WDR48: variants seen among roughly 807,000 people sequenced by gnomAD.
The protein encoded by WDR48 is WD repeat domain 48.
WDR48 carries 22 observed loss-of-function variants against 94.0 expected under a neutral mutation model. That is an observed-to-expected ratio of 0.23 (90% CI 0.17 to 0.33). The LOEUF (loss-of-function observed/expected upper bound fraction) is 0.33, where lower values mean the gene tolerates loss of function less well. Among genes scored for constraint, WDR48 ranks in the 10% least tolerant of loss-of-function variants. WDR48 has a pLI of 1.00. For missense variants in WDR48, 541 were observed against 813.8 expected, an observed-to-expected ratio of 0.66 and a Z score of 4.08; for synonymous variants, 278 against 280.5, an observed-to-expected ratio of 0.99 and a Z score of 0.09.
chr3:39,052,267 C>G (rs1446872159), intron 1 of WDR48, 194 bp downstream of exon 1: 1 of 630,508 alleles, frequency 1.6e-6, no homozygotes, highest in Non-Finnish European at 2.7e-6. Flanking sequence ...TTGCTTGGCC[C>G]TTGGGGCCCA....
intron 14 of WDR48, 63 bp downstream of exon 14, chr3:39,085,673 C>A: frequency 3.7e-6 from 5 of 1,358,288 alleles, no homozygotes; most frequent in Non-Finnish European, 4.1e-6. Context: ...AAGGTACTTA[C>A]TAAAAGGTAC....
At chr3:39,052,272 G>A in intron 1 of WDR48, 199 bp downstream of exon 1, 3 of 607,364 alleles carry the variant, frequency 4.9e-6, no homozygotes, top group Admixed American at 6.9e-5. Flanking sequence ...TGGCCCTTGG[G>A]GCCCAGGCCC....
At chr3:39,068,900 T>A in intron 6 of WDR48, 41 bp downstream of exon 6, 1 of 1,368,972 alleles carries the variant, frequency 7.3e-7, no homozygotes, top group Non-Finnish European at 1.0e-6. Context: ...AAAAAAATTA[T>A]TTTTCACATA....
At chr3:39,091,051 G>A (rs956778733) in intron 16 of WDR48, 4 of 152,288 alleles carry the variant, frequency 2.6e-5, no homozygotes, top group Non-Finnish European at 4.4e-5. Context: ...AGATGACCAC[G>A]TAATTTTATC....
chr3:39,088,693 T>TA (rs2034936336), intron 15 of WDR48, among the ~76,000 whole-genome samples: 1 of 152,052 alleles, frequency 6.6e-6, no homozygotes, highest in Non-Finnish European at 1.5e-5. Flanking sequence ...GCCAGACAGT[T>TA]ATGTGTGGGG....
In WDR48 at chr3:39,084,275, T is replaced by C; in HGVS notation, c.1281+13T>C. ...CTTAAAAACAGGGGTAAGTTAGCAA[T>C]TGATACTTGTATGATTTGGGATAAT... is the stretch of plus-strand genomic sequence containing the variant. On this transcript the variant is annotated intron_variant, in intron 12 of 18. Coordinates refer to ENST00000302313, the MANE Select transcript of WDR48 (RefSeq NM_020839.4). 2.6e-6 allele frequency: 4 copies of C among 1,538,848 alleles called. No homozygotes were observed. Among genetic ancestry groups the C allele is most frequent in the Non-Finnish European group, 3.6e-6 (4 of 1,115,852 alleles).
At chr3:39,078,269 A>T (rs773732425) in intron 10 of WDR48, 30 bp downstream of exon 10, 1 of 1,488,324 alleles carries the variant, frequency 6.7e-7, no homozygotes, top group Non-Finnish European at 9.3e-7. Context: ...TGTACCCCTT[A>T]TTGAAGTTAG....
chr3:39,063,279 A>C, intron 2 of WDR48, 89 bp downstream of exon 2: 1 of 1,482,706 alleles, frequency 6.7e-7, no homozygotes, highest in East Asian at 2.3e-5. Flanking sequence ...TTTCAGATTT[A>C]ATCTCTCTGA....
rs1425228091 is a variant in WDR48, at chr3:39,079,648, A to G, written c.1076-63A>G. 4 of 1,231,450 alleles carry G rather than the reference A, an allele frequency of 3.2e-6. No individual in the cohort carries two copies. The African/African-American group carries it at 6.3e-5, about 19-fold the overall frequency. 76.3% of individuals were successfully genotyped at this position (1,231,450 alleles called of 1,614,324 possible). On this transcript the variant is annotated intron_variant, in intron 10 of 18. Transcript: ENST00000302313. Reference sequence around the variant, plus strand: ...TGTTAGATACCAGTTAACAATTGTTACCACACCATGAATTTAAATGTAGAA... The same window carrying G: ...TGTTAGATACCAGTTAACAATTGTTGCCACACCATGAATTTAAATGTAGAA...
At chr3:39,073,480 C>A (rs2034048831) in intron 7 of WDR48, among the ~76,000 whole-genome samples, 1 of 152,184 alleles carries the variant, frequency 6.6e-6, no homozygotes, top group African/African-American at 2.4e-5. Flanking sequence ...CCTTCCAAAT[C>A]TCCAAGCCCA....
intron 1 of WDR48, among the ~76,000 whole-genome samples, chr3:39,055,075 G>A (rs1400835515): frequency 6.6e-6 from 1 of 152,182 alleles, no homozygotes; most frequent in African/African-American, 2.4e-5. Context: ...AGCATACATG[G>A]GTACTTGGAG....
At chr3:39,075,163 T>G (rs955120501) in intron 8 of WDR48, among the ~76,000 whole-genome samples, 14 of 149,392 alleles carry the variant, frequency 9.4e-5, no homozygotes, top group African/African-American at 3.5e-4. Context: ...ATACTCTGGG[T>G]CAGTTCTGGG....
chr3:39,082,128 T>C (rs1413813654), intron 11 of WDR48, among the ~76,000 whole-genome samples: 1 of 152,120 alleles, frequency 6.6e-6, no homozygotes, highest in Non-Finnish European at 1.5e-5. Context: ...TTATTGGTGA[T>C]GTTGAGAAGC....
intron 7 of WDR48, 98 bp from the exon 8 acceptor site, chr3:39,074,628 G>A (rs188871722): frequency 3.2e-4 from 373 of 1,159,916 alleles, no homozygotes; most frequent in Admixed American, 1.1e-3. Flanking sequence ...TAATAGAGTC[G>A]TGTGTTTGAC....
At chr3:39,064,457 T>C (rs956056052) in intron 2 of WDR48, among the ~76,000 whole-genome samples, 1 of 152,100 alleles carries the variant, frequency 6.6e-6, no homozygotes, top group African/African-American at 2.4e-5. Flanking sequence ...ATAATTTTAG[T>C]AGAGACGGGG....
intron 17 of WDR48, among the ~76,000 whole-genome samples, chr3:39,093,117 T>C (rs1245680960): frequency 6.6e-6 from 1 of 151,982 alleles, no homozygotes; most frequent in African/African-American, 2.4e-5. Context: ...CAACCAGCTG[T>C]TGGGTTTGTG....
intron 12 of WDR48, 21 bp downstream of exon 12, chr3:39,084,283 T>C: frequency 6.6e-7 from 1 of 1,512,000 alleles, no homozygotes; most frequent in South Asian, 1.2e-5. Context: ...AATTGATACT[T>C]GTATGATTTG....
In WDR48 at chr3:39,068,756, G is replaced by A. The variant is rs369515300; in HGVS notation, c.482-15G>A. ...GATGATCTTGTTAACATTTAGCTCCGTTTATCCTCAATAGCTTCTTCTTTA... is the reference window on the plus strand; with the variant it reads ...GATGATCTTGTTAACATTTAGCTCCATTTATCCTCAATAGCTTCTTCTTTA... On this transcript the variant is annotated splice_polypyrimidine_tract_variant and intron_variant, in intron 5 of 18. Transcript: ENST00000302313. The A allele has an allele frequency of 1.7e-5, 27 of 1,591,940 alleles. No individual in the cohort carries two copies. The highest frequency in any genetic ancestry group is 1.1e-4 in the South Asian group (10 of 87,976).
intron 14 of WDR48, among the ~76,000 whole-genome samples, chr3:39,087,342 C>T (rs1437732879): frequency 6.6e-6 from 1 of 152,190 alleles, no homozygotes; most frequent in Non-Finnish European, 1.5e-5. Flanking sequence ...GACGTCTGTG[C>T]TTGTTGGGTC....
Sources: allele counts gnomAD v4.1 joint callset (sites outside exome capture counted in the v4.1 genomes callset), GRCh38; gene constraint gnomAD v4.1.1; transcripts MANE v1.5; gene names NCBI Gene and HGNC (gene_info 2026-07-23, HGNC 2026-07-21).